Variants in RUBCNL observed in about 807,000 individuals in gnomAD.
RUBCNL encodes protein associated with UVRAG as autophagy enhancer.
A neutral mutation model predicts 69.5 loss-of-function variants in RUBCNL; 62 were observed. That is an observed-to-expected ratio of 0.89 (90% CI 0.73 to 1.10). RUBCNL has a LOEUF of 1.10. RUBCNL is among the 50% of genes least tolerant of loss of function. The pLI is 0.00. For missense variants in RUBCNL, 768 were observed against 798.1 expected (o/e 0.96, Z 0.45); for synonymous variants, 291 against 303.6 (o/e 0.96, Z 0.43).
chr13:46,365,525 CT>C (rs1370554919), intron 5 of RUBCNL, among the ~76,000 whole-genome samples: 2 of 152,148 alleles, frequency 1.3e-5, no homozygotes, highest in South Asian at 2.1e-4. Flanking sequence ...TGCTCCTCCC[CT>C]GGGATACAAA....
chr13:46,357,243 G>T (rs1382863519), intron 9 of RUBCNL, among the ~76,000 whole-genome samples: 1 of 148,472 alleles, frequency 6.7e-6, no homozygotes, highest in Non-Finnish European at 1.5e-5. Context: ...TGAGGCAGGA[G>T]AATGGCGTGA....
At chr13:46,382,315 G>A (rs2049135601) in intron 1 of RUBCNL, among the ~76,000 whole-genome samples, 1 of 152,012 alleles carries the variant, frequency 6.6e-6, no homozygotes, top group South Asian at 2.1e-4. Flanking sequence ...ATAGGAGAAA[G>A]TTAAAAGGAG....
intron 1 of RUBCNL, chr13:46,385,160 T>C (rs574604180): frequency 2.4e-6 from 1 of 409,014 alleles, no homozygotes; most frequent in African/African-American, 2.2e-5. Context: ...ATCAGTCTGG[T>C]ACACAATGTC....
intron 1 of RUBCNL, among the ~76,000 whole-genome samples, chr13:46,384,645 T>A (rs2049197298): frequency 6.6e-6 from 1 of 152,192 alleles, no homozygotes; most frequent in Admixed American, 6.5e-5. Flanking sequence ...AATGAATGCA[T>A]TTTTGAACAA....
At chr13:46,368,940 T>C in intron 3 of RUBCNL, 125 bp from the exon 4 acceptor site, 2 of 684,250 alleles carry the variant, frequency 2.9e-6, no homozygotes, top group Non-Finnish European at 5.0e-6. Flanking sequence ...CTAGAATAAA[T>C]TCAGATGACA....
Position 46,373,877 on chromosome 13 carries a change from C to T in RUBCNL, c.-122-1280G>A, listed in dbSNP as rs576591859. ...GACATCTGTCCAGTGGGCACTGCAA[C>T]CTGATACATCCAAAACAGTCACTCA... On this transcript the variant is annotated intron_variant, in intron 2 of 14. Transcript: ENST00000429979. 2.0e-5 allele frequency among the ~76,000 whole-genome samples: 3 copies of T among 152,260 alleles called. No homozygotes were observed. The East Asian group carries it at 5.8e-4, about 29-fold the overall frequency.
At chr13:46,383,923 C>T (rs536042433) in intron 1 of RUBCNL, among the ~76,000 whole-genome samples, 3 of 152,292 alleles carry the variant, frequency 2.0e-5, no homozygotes, top group African/African-American at 4.8e-5. Context: ...TAATTTAGCC[C>T]TAATTCTACA....
chr13:46,363,801 T>C (rs1268768934), intron 5 of RUBCNL, among the ~76,000 whole-genome samples: 4 of 149,934 alleles, frequency 2.7e-5, no homozygotes, highest in Non-Finnish European at 1.5e-5. Context: ...GCGGAGATTG[T>C]AGTGAGCTGA....
chr13:46,364,735 C>T (rs1209661668), intron 5 of RUBCNL, among the ~76,000 whole-genome samples: 1 of 149,096 alleles, frequency 6.7e-6, no homozygotes, highest in African/African-American at 2.5e-5. Flanking sequence ...GACCAACTGG[C>T]AGTTTGAGTA....
At chr13:46,376,853 C>T (rs1407078800) in intron 2 of RUBCNL, among the ~76,000 whole-genome samples, 1 of 152,180 alleles carries the variant, frequency 6.6e-6, no homozygotes, top group Non-Finnish European at 1.5e-5. Flanking sequence ...TCTTCTTTTT[C>T]ACTCAACATT....
intron 1 of RUBCNL, chr13:46,378,741 C>T (rs1191157493): frequency 6.6e-6 from 1 of 152,242 alleles, no homozygotes; most frequent in East Asian, 1.9e-4. Flanking sequence ...CATAAGCAGC[C>T]AGCACTTGGA....
chr13:46,380,767 T>C (rs2049099979), intron 1 of RUBCNL, among the ~76,000 whole-genome samples: 1 of 152,192 alleles, frequency 6.6e-6, no homozygotes, highest in Admixed American at 6.5e-5. Context: ...ACATACAGCA[T>C]ATGTAAAAAT....
intron 5 of RUBCNL, 110 bp from the exon 6 acceptor site, chr13:46,363,323 TAAGAG>T: frequency 2.6e-6 from 1 of 391,892 alleles, no homozygotes; most frequent in Non-Finnish European, 4.5e-6. Context: ...GCTAAAAGTT[TAAGAG>T]AATTAAACAT....
At chr13:46,388,365 GAA>G (rs1491106370), upstream of RUBCNL, among the ~76,000 whole-genome samples, 1 of 141,368 alleles carries the variant, frequency 7.1e-6, no homozygotes, top group African/African-American at 2.6e-5. Context: ...GGAAAGCAAA[GAA>G]AGGAAGGAAG....
At chr13:46,353,858 A>G (rs951315237) in intron 10 of RUBCNL, among the ~76,000 whole-genome samples, 1 of 152,230 alleles carries the variant, frequency 6.6e-6, no homozygotes, top group African/African-American at 2.4e-5. Flanking sequence ...GAGTACTTGA[A>G]ATGTAGTTAG....
At chr13:46,366,669 T>C (rs1170704323) in intron 5 of RUBCNL, among the ~76,000 whole-genome samples, 1 of 152,218 alleles carries the variant, frequency 6.6e-6, no homozygotes, top group Non-Finnish European at 1.5e-5. Flanking sequence ...TGAGTATTCC[T>C]GATTAACGTG....
chr13:46,382,252 G>A (rs2138849548), intron 1 of RUBCNL, among the ~76,000 whole-genome samples: 1 of 152,128 alleles, frequency 6.6e-6, no homozygotes, highest in East Asian at 1.9e-4. Flanking sequence ...TGGGCTACAG[G>A]GATCAAAAGA....
rs2048123812 is a variant in RUBCNL at position 46,339,197 on chromosome 13, C to T, written c.*4188G>A. Among the ~76,000 whole-genome samples, 1 of 152,142 alleles carries T rather than the reference C, an allele frequency of 6.6e-6. No homozygotes were observed. The highest frequency in any genetic ancestry group is 2.4e-5 in the African/African-American group (1 of 41,410). Reference sequence around the variant, plus strand: ...ATTTCTCATGTTTGTGCTGAAGCTTCCCAATTGTGTCTGCAGCCTGCTACC... The same window carrying T: ...ATTTCTCATGTTTGTGCTGAAGCTTTCCAATTGTGTCTGCAGCCTGCTACC... On this transcript the variant is annotated 3_prime_UTR_variant, in exon 15 of 15. Coordinates refer to ENST00000429979, the MANE Select transcript of RUBCNL (RefSeq NM_025113.5).
chr13:46,375,464 C>A (rs1320204261), intron 2 of RUBCNL, among the ~76,000 whole-genome samples: 1 of 152,038 alleles, frequency 6.6e-6, no homozygotes, highest in Non-Finnish European at 1.5e-5. Context: ...ACCTGGCAGG[C>A]GGAGGTTGCA....
Sources: gnomAD v4.1 joint callset for allele counts (sites outside exome capture counted in the v4.1 genomes callset) on GRCh38, gnomAD v4.1.1 for gene constraint, MANE v1.5 for transcripts, NCBI Gene and HGNC (gene_info 2026-07-23, HGNC 2026-07-21) for gene names.